The following ZNF469 variants were observed in gnomAD, a reference collection of about 807,000 sequenced individuals.
ZNF469 encodes zinc finger protein 469.
Under a neutral mutation model 1.0 loss-of-function variants are expected in ZNF469, and 1 was observed. The observed-to-expected ratio is 1.00, with a 90% CI of 0.35 to 4.73. ZNF469 has a LOEUF of 4.73. ZNF469 is among the 30% of genes most tolerant of loss of function. The pLI is 0.16. For missense variants in ZNF469, 6,100 were observed against 5,356.3 expected (o/e 1.14, Z -4.33); for synonymous variants, 2,703 against 2,363.4 (o/e 1.14, Z -4.17).
At chr16:88,244,393 G>GTGGA in the ZNF469 span, among the ~76,000 whole-genome samples, 5,550 of 131,164 alleles carry the variant, frequency 0.042, 275 homozygotes, top group African/African-American at 0.12. Flanking sequence ...GAATGCATGG[G>GTGGA]TGGATGGATG....
chr16:88,387,422 G>T (rs1395678741), intron 1 of ZNF469, among the ~76,000 whole-genome samples: 1 of 152,166 alleles, frequency 6.6e-6, no homozygotes, highest in South Asian at 2.1e-4. Flanking sequence ...GCCGCGGTCA[G>T]CACAGCCTCC....
At position 88,430,552 on chromosome 16, in the gene ZNF469, C is replaced by T; in HGVS notation, c.3082C>T (p.Arg1028Cys). Reference protein sequence around the residue: ...LPEETRSSRRRRLPPRKDPRK... With the variant: ...LPEETRSSRRCRLPPRKDPRK... ...CGAGGAGACCCGCAGCTCCCGGCGC[C>T]GCCGGCTGCCCCCCAGGAAGGACCC... is the stretch of plus-strand genomic sequence containing the variant. Residue 1028 changes from arginine to cysteine, a missense_variant, in exon 3 of 3, where the codon CGC becomes TGC. By Grantham distance (180) the Arg-to-Cys change is radical. Transcript: ENST00000565624. 3.4e-6 allele frequency: 5 copies of T among 1,471,092 alleles called. No homozygotes were observed. The highest frequency in any genetic ancestry group is 2.6e-5 in the South Asian group (2 of 75,956). 91.1% of individuals were successfully genotyped at this position (1,471,092 alleles called of 1,614,324 possible). A position where few individuals can be genotyped will look rare whatever the true frequency, so the allele number is the denominator to read the frequency against.
chr16:88,135,748 G>GTTTTATTCTTTTTTTTTTTTT, the ZNF469 span, among the ~76,000 whole-genome samples: 4 of 66,930 alleles, frequency 6.0e-5, 2 homozygotes, highest in Middle Eastern at 0.028. Flanking sequence ...AGCTGGCCAT[G>GTTTTATTCTTTTTTTTTTTTT]TTTTTTTTTT....
chr16:88,376,336 C>T, the ZNF469 span, among the ~76,000 whole-genome samples: 70,247 of 152,186 alleles, frequency 0.46, 19,414 homozygotes, highest in Non-Finnish European at 0.63. Flanking sequence ...GGACTGCGGA[C>T]GTCTGACTCC....
At chr16:88,346,949 G>A in the ZNF469 span, among the ~76,000 whole-genome samples, 1 of 152,206 alleles carries the variant, frequency 6.6e-6, no homozygotes, top group Non-Finnish European at 1.5e-5. Flanking sequence ...ACCCTCGGGA[G>A]AAGGCCCTCG....
chr16:88,430,380 C>T lies in ZNF469; in HGVS notation c.2910C>T (p.Gly970=), dbSNP rs1906062311. The T allele has an allele frequency of 2.0e-6, 3 of 1,510,252 alleles. No homozygotes were observed. In the East Asian group the frequency reaches 7.5e-5, roughly 38 times the overall value. The allele number at this position is 1,510,252 out of a possible 1,614,324, so 93.6% of individuals were successfully genotyped here. ...GCGCAGCAGAGGGGTCGGGGTCGGG[C>T]GGCGGCGGCAGAGCCTCCGGCCTGA... ...SGGAAEGSGS[G]GGGRASGLRP... is the part of the protein sequence containing the mutation. Residue 970 remains glycine, a synonymous_variant, in exon 3 of 3, where the codon GGC becomes GGT. Transcript: ENST00000565624.
At position 88,438,845 on chromosome 16, in the gene ZNF469, G is replaced by A. The variant is rs763899122; in HGVS notation, c.11375G>A (p.Gly3792Glu). The change falls in exon 3 of 3, where the codon GGG becomes GAG. Residue 3792 changes from glycine to glutamate, a missense_variant. Physicochemically the swap from Gly to Glu is moderately conservative, Grantham distance 98. Coordinates refer to ENST00000565624, the MANE Select transcript of ZNF469 (RefSeq NM_001367624.2). ...GCCCAAGCCAAGAGCTGCACCAAGG[G>A]GCCAAGGGAAGCTGGTGAGCAGGGG... is the stretch of plus-strand genomic sequence containing the variant. ...ARAQAKSCTK[G>E]PREAGEQGPH... is the part of the protein sequence containing the mutation. The A allele has an allele frequency of 1.0e-5, 16 of 1,550,266 alleles. No homozygotes were observed. Among genetic ancestry groups the A allele is most frequent in the South Asian group, 4.8e-5 (4 of 84,060 alleles).
chr16:88,324,153 G>A, the ZNF469 span, among the ~76,000 whole-genome samples: 6 of 152,318 alleles, frequency 3.9e-5, no homozygotes, highest in East Asian at 1.9e-4. Flanking sequence ...GGGCCTGTTC[G>A]GGGCTACTTG....
At chr16:88,165,728 A>T in the ZNF469 span, among the ~76,000 whole-genome samples, 16 of 151,898 alleles carry the variant, frequency 1.1e-4, no homozygotes, top group Middle Eastern at 3.2e-3. Context: ...CCATCTCCAG[A>T]ACTTATTTGA....
chr16:88,345,736 C>T, the ZNF469 span, among the ~76,000 whole-genome samples: 1 of 152,200 alleles, frequency 6.6e-6, no homozygotes, highest in Non-Finnish European at 1.5e-5. Flanking sequence ...GGCTCCAGCT[C>T]TCCTCACGTG....
chr16:88,357,755 TG>T, the ZNF469 span, among the ~76,000 whole-genome samples: 1 of 152,242 alleles, frequency 6.6e-6, no homozygotes, highest in Non-Finnish European at 1.5e-5. Context: ...TTAGTCCTTT[TG>T]TTGCCCATGC....
At chr16:88,197,805 G>A in the ZNF469 span, among the ~76,000 whole-genome samples, 1 of 152,196 alleles carries the variant, frequency 6.6e-6, no homozygotes, top group African/African-American at 2.4e-5. Context: ...GAGGCCGTGG[G>A]CATCTGCCAT....
At chr16:88,388,515 T>C (rs1259313848) in intron 1 of ZNF469, among the ~76,000 whole-genome samples, 1 of 152,252 alleles carries the variant, frequency 6.6e-6, no homozygotes, top group Admixed American at 6.5e-5. Context: ...AAACAGAGCC[T>C]GCGTCTCCAG....
rs1176394519 is a variant in ZNF469, at chr16:88,424,090, A to C, written c.-191-717A>C. On this transcript the variant is annotated intron_variant, in intron 1 of 2. Coordinates refer to ENST00000565624, the MANE Select transcript of ZNF469 (RefSeq NM_001367624.2). This position sits in a 1 kb window ranked among gnomAD's most constrained non-coding sequence, Gnocchi z 4.3. ...GCTAGGCCCACAGCGTTTGGAGCAC[A>C]GGCTGTCGCCATGTGGTGACCATTG... 6.6e-6 allele frequency among the ~76,000 whole-genome samples: 1 copy of C among 152,264 alleles called. No homozygotes were observed. Among genetic ancestry groups the C allele is most frequent in the African/African-American group, 2.4e-5 (1 of 41,478 alleles).
At chr16:88,142,703 A>G in the ZNF469 span, among the ~76,000 whole-genome samples, 1 of 152,220 alleles carries the variant, frequency 6.6e-6, no homozygotes, top group African/African-American at 2.4e-5. Context: ...AGAGGAGGAA[A>G]CTGAGGCTTG....
At chr16:88,410,327 T>C (rs1905118409) in intron 1 of ZNF469, among the ~76,000 whole-genome samples, 1 of 148,596 alleles carries the variant, frequency 6.7e-6, no homozygotes, top group African/African-American at 2.5e-5. Flanking sequence ...CTATGGTGCA[T>C]GGTTCACAGT....
chr16:88,151,263 G>A, the ZNF469 span, among the ~76,000 whole-genome samples: 2 of 152,252 alleles, frequency 1.3e-5, no homozygotes, highest in African/African-American at 4.8e-5. This position sits in a 1 kb window ranked among gnomAD's most constrained non-coding sequence, Gnocchi z 5.4. Context: ...ACTGTCAGCC[G>A]GGACGACCCC....
At position 88,424,959 on chromosome 16, in the gene ZNF469, G is replaced by A. The variant is rs566476959; in HGVS notation, c.-127+88G>A. Among the ~76,000 whole-genome samples the A allele has an allele frequency of 1.2e-4, 18 of 145,198 alleles. No individual in the cohort carries two copies. The highest frequency in any genetic ancestry group is 1.7e-4 in the African/African-American group (7 of 40,232). On this transcript the variant is annotated intron_variant, in intron 2 of 2. Transcript: ENST00000565624. The surrounding 1 kb of genome is among the most constrained non-coding windows in gnomAD (Gnocchi z 4.3). ...AGGCCCCCTCCGCCCCCACCCGCCC[G>A]GCCTTCCTCTCCCTCTCAGGACAGT... is the stretch of plus-strand genomic sequence containing the variant.
At chr16:88,134,016 AC>A in the ZNF469 span, among the ~76,000 whole-genome samples, 1 of 150,762 alleles carries the variant, frequency 6.6e-6, no homozygotes, top group Admixed American at 6.6e-5. Flanking sequence ...AATCAATAGA[AC>A]CCCCCCGGAG....
Sources: gnomAD v4.1 joint callset for allele counts (sites outside exome capture counted in the v4.1 genomes callset) on GRCh38, gnomAD v4.1.1 for gene constraint, Gnocchi (gnomAD v3.1) non-coding constraint, MANE v1.5 for transcripts, NCBI Gene and HGNC (gene_info 2026-07-23, HGNC 2026-07-21) for gene names.